CPNE1: variants seen among roughly 807,000 people sequenced by gnomAD.
CPNE1 encodes copine 1.
A neutral mutation model predicts 63.2 loss-of-function variants in CPNE1; 58 were observed. That is an observed-to-expected ratio of 0.92 (90% confidence interval 0.74 to 1.14). CPNE1 has a LOEUF of 1.14. CPNE1 is among the 50% of genes most tolerant of loss of function. The pLI, the probability that CPNE1 is intolerant of heterozygous loss-of-function variation, is 0.00. For missense variants in CPNE1, 672 were observed against 661.7 expected, an observed-to-expected ratio of 1.02 and a Z score of -0.17; for synonymous variants, 237 against 249.0, an observed-to-expected ratio of 0.95 and a Z score of 0.45.
chr20:35,663,750 CCCG>C (rs1182963269), intron 1 of CPNE1, among the ~76,000 whole-genome samples: 2 of 152,186 alleles, frequency 1.3e-5, no homozygotes, highest in East Asian at 3.8e-4. Context: ...ACACAAAAAG[CCCG>C]TACGTTTACA....
At chr20:35,636,436 C>G (rs1174306402) in intron 1 of CPNE1, among the ~76,000 whole-genome samples, 1 of 152,206 alleles carries the variant, frequency 6.6e-6, no homozygotes, top group African/African-American at 2.4e-5. Context: ...TATGATACAT[C>G]TGAACAACGG....
chr20:35,649,485 A>G (rs2033350137), intron 1 of CPNE1: 2 of 152,756 alleles, frequency 1.3e-5, no homozygotes, highest in Non-Finnish European at 2.9e-5. Context: ...AATTTTAAAT[A>G]AAGTTTCCTA....
intron 13 of CPNE1, 147 bp downstream of exon 13, chr20:35,630,292 C>A: frequency 1.5e-6 from 1 of 686,156 alleles, no homozygotes; most frequent in South Asian, 2.0e-5. Flanking sequence ...AAGACTCTTT[C>A]TCAAAAAATA....
chr20:35,626,962 CG>C (rs1197608846), intron 14 of CPNE1, 159 bp from the exon 15 acceptor site: 1 of 685,466 alleles, frequency 1.5e-6, no homozygotes, highest in African/African-American at 1.8e-5. Context: ...CTAAGGCAGG[CG>C]GATCACTTGA....
intron 1 of CPNE1, among the ~76,000 whole-genome samples, chr20:35,633,963 A>G (rs2032329268): frequency 6.9e-6 from 1 of 144,872 alleles, no homozygotes; most frequent in African/African-American, 2.6e-5. Flanking sequence ...CCGTCTCAAA[A>G]AAAAAAAAAA....
At chr20:35,636,863 A>G (rs1032320686) in intron 1 of CPNE1, among the ~76,000 whole-genome samples, 2 of 152,192 alleles carry the variant, frequency 1.3e-5, no homozygotes, top group African/African-American at 2.4e-5. Flanking sequence ...GTGTATCTTT[A>G]TAACAGATTT....
intron 1 of CPNE1, among the ~76,000 whole-genome samples, chr20:35,643,688 C>T (rs1042257504): frequency 4.6e-5 from 7 of 152,060 alleles, no homozygotes; most frequent in African/African-American, 1.7e-4. Flanking sequence ...GCTGAGATCA[C>T]GCCACTGCAC....
chr20:35,642,979 A>G (rs2032896007), intron 1 of CPNE1, among the ~76,000 whole-genome samples: 1 of 152,242 alleles, frequency 6.6e-6, no homozygotes, highest in Non-Finnish European at 1.5e-5. Flanking sequence ...ACAAAAAACC[A>G]AAGCCACTAA....
chr20:35,640,323 A>C lies in CPNE1; in HGVS notation c.1-7400T>G, dbSNP rs1601438600. The stretch of plus-strand genomic sequence containing the variant: ...TCTTCTGTCCTACATCTCTTGAACA[A>C]CTACCTACTTTAAACCAGACTCATG... On this transcript the variant is annotated intron_variant, in intron 1 of 15. Coordinates refer to ENST00000397443, the MANE Select transcript of CPNE1 (RefSeq NM_152925.3). Among the ~76,000 whole-genome samples, 5 of 152,296 alleles carry C rather than the reference A, an allele frequency of 3.3e-5. No homozygotes were observed. The South Asian group carries it at 1.0e-3, about 32-fold the overall frequency.
intron 1 of CPNE1, chr20:35,652,799 C>A: frequency 1.9e-6 from 3 of 1,608,582 alleles, no homozygotes; most frequent in South Asian, 2.2e-5. Flanking sequence ...CCAGGGGGAC[C>A]ACCAATATGG....
At chr20:35,630,875 T>G (rs770929059) in intron 11 of CPNE1, 26 bp downstream of exon 11, 3 of 1,602,910 alleles carry the variant, frequency 1.9e-6, no homozygotes, top group Non-Finnish European at 2.6e-6. Context: ...AGGGAGCGGG[T>G]ATAGCCCAGA....
intron 9 of CPNE1, 30 bp from the exon 10 acceptor site, chr20:35,631,203 G>A: frequency 3.1e-6 from 5 of 1,613,616 alleles, no homozygotes; most frequent in Non-Finnish European, 4.2e-6. Context: ...CATGCCTGGG[G>A]TGATAGCAGT....
Position 35,632,189 on chromosome 20 carries a change from C to A in CPNE1, c.430G>T (p.Val144Leu), listed in dbSNP as rs1381111360. The A allele has an allele frequency of 6.2e-7, 1 of 1,614,154 alleles. No individual in the cohort carries two copies. The highest frequency in any genetic ancestry group is 8.5e-7 in the Non-Finnish European group (1 of 1,180,016). ...LKDNRVVTMEVEARNLDKKDF... is the reference protein window; with the variant it reads ...LKDNRVVTMELEARNLDKKDF... Reference sequence around the variant, plus strand: ...TTCTTATCTAGGTTTCTGGCCTCTACCTCCATGGTTACTACACGATTGTCC... The same window carrying A: ...TTCTTATCTAGGTTTCTGGCCTCTAACTCCATGGTTACTACACGATTGTCC... The change falls in exon 5 of 16, where the codon GTA becomes TTA. Residue 144 changes from valine (V) to leucine (L), a missense_variant. Val to Leu is a conservative substitution (Grantham distance 32, BLOSUM62 1). Coordinates refer to ENST00000397443, the MANE Select transcript of CPNE1 (RefSeq NM_152925.3).
rs17092928 is a variant in CPNE1, at chr20:35,653,608, T to C, written c.-1+11152A>G. On this transcript the variant is annotated intron_variant, in intron 1 of 15. Transcript: ENST00000397443. ...GTTATCAACAAGAACATGTACAGCA[T>C]TTTCATCCACTGGGATTCCTTCTAG... 6,711 of 1,614,156 alleles carry C rather than the reference T, an allele frequency of 4.2e-3. 228 individuals are homozygous for C. In the African/African-American group the frequency reaches 0.076, roughly 18 times the overall value.
At chr20:35,652,524 C>T (rs1568932841) in intron 1 of CPNE1, 4 of 1,605,804 alleles carry the variant, frequency 2.5e-6, no homozygotes, top group Non-Finnish European at 3.4e-6. Flanking sequence ...ATGTGAATGG[C>T]TACCCTAATA....
Position 35,632,606 on chromosome 20 carries a change from G to T in CPNE1, c.220C>A (p.Leu74Ile). Residue 74 changes from leucine (L) to isoleucine (I), a missense_variant, in exon 3 of 16, where the codon CTA becomes ATA. By Grantham distance (5) the Leu-to-Ile change is conservative (BLOSUM62 2). Coordinates refer to ENST00000397443, the MANE Select transcript of CPNE1 (RefSeq NM_152925.3). Reference sequence around the variant, plus strand: ...TCTATGTCATAGATTCCAAAGCGTAGCTTCTGGACTGTCTCAAAGCGGTAC... The same window carrying T: ...TCTATGTCATAGATTCCAAAGCGTATCTTCTGGACTGTCTCAAAGCGGTAC... The part of the protein sequence containing the change: ...LEYRFETVQK[L>I]RFGIYDIDNK... The T allele has an allele frequency of 6.2e-7, 1 of 1,601,750 alleles. No homozygotes were observed. The highest frequency in any genetic ancestry group is 8.6e-7 in the Non-Finnish European group (1 of 1,168,778).
intron 1 of CPNE1, among the ~76,000 whole-genome samples, chr20:35,662,667 G>T (rs1242420285): frequency 1.3e-5 from 2 of 152,186 alleles, no homozygotes; most frequent in African/African-American, 4.8e-5. Context: ...ATGGCTCTCT[G>T]CAAAATGGAG....
chr20:35,646,390 CTT>C (rs559754204), intron 1 of CPNE1, among the ~76,000 whole-genome samples: 96 of 122,526 alleles, frequency 7.8e-4, no homozygotes, highest in African/African-American at 2.1e-3. Flanking sequence ...AGTGACAAGG[CTT>C]TTTTTTTTTT....
At chr20:35,640,656 T>G (rs1198589226) in intron 1 of CPNE1, among the ~76,000 whole-genome samples, 6 of 151,952 alleles carry the variant, frequency 3.9e-5, no homozygotes, top group Non-Finnish European at 8.8e-5. Flanking sequence ...ATGTGTAACT[T>G]GCTTATTATG....
Sources: gnomAD v4.1 joint callset for allele counts (sites outside exome capture counted in the v4.1 genomes callset) on GRCh38, gnomAD v4.1.1 for gene constraint, MANE v1.5 for transcripts, NCBI Gene and HGNC (gene_info 2026-07-23, HGNC 2026-07-21) for gene names.